Variants in RXRA observed in about 807,000 individuals in gnomAD.
RXRA encodes retinoic acid receptor RXR-alpha.
Under a neutral mutation model 44.5 loss-of-function variants are expected in RXRA, and 5 were observed. That is an observed-to-expected ratio of 0.11 (90% confidence interval 0.06 to 0.24). RXRA has a LOEUF of 0.24. RXRA is among the 10% of genes least tolerant of loss of function. The pLI is 1.00. For synonymous variants in RXRA, 291 were observed against 271.4 expected (o/e 1.07, Z -0.71); for missense variants, 412 against 646.5 (o/e 0.64, Z 3.93).
intron 1 of RXRA, among the ~76,000 whole-genome samples, chr9:134,394,899 G>A (rs117593068): frequency 0.022 from 3,352 of 152,290 alleles, 65 homozygotes; most frequent in Admixed American, 0.045. Flanking sequence ...GGCTCCTCCT[G>A]GGTGAGCGGA....
rs116343794 is a variant in RXRA at position 134,423,169 on chromosome 9, G to C, written c.910+1364G>C. 1.5e-3 allele frequency: 1,512 copies of C among 985,456 alleles called. 17 individuals are homozygous for C. In the African/African-American group the frequency reaches 0.025, roughly 16 times the overall value. The allele number at this position is 985,456 out of a possible 1,614,324, so 61.0% of individuals were successfully genotyped here. A position where few individuals can be genotyped will look rare whatever the true frequency, so the allele number is the denominator to read the frequency against. ...ACTGGGGCTGGTTCTTGCCGAGTCA[G>C]CCGGGGTAGCTGTGAGGCCAGGCTG... On this transcript the variant is annotated intron_variant, in intron 6 of 9. Transcript: ENST00000481739.
intron 2 of RXRA, chr9:134,402,880 CAG>C (rs1379332796): frequency 3.8e-4 from 40 of 103,950 alleles, no homozygotes; most frequent in African/African-American, 1.0e-3. Context: ...GGCTCCATGG[CAG>C]AGTTTTGGTG....
intron 1 of RXRA, among the ~76,000 whole-genome samples, chr9:134,346,618 T>C (rs937240865): frequency 6.6e-6 from 1 of 152,226 alleles, no homozygotes; most frequent in Non-Finnish European, 1.5e-5. Flanking sequence ...GTCCTGGCAC[T>C]GCCCAGCTTC....
chr9:134,429,985 A>C (rs1025459785), intron 7 of RXRA, among the ~76,000 whole-genome samples: 2 of 151,616 alleles, frequency 1.3e-5, no homozygotes, highest in African/African-American at 4.9e-5. Context: ...TCCCGGGTTC[A>C]CACCATTCTC....
At position 134,421,627 on chromosome 9, in the gene RXRA, TAC is replaced by T. The variant is rs777140941; in HGVS notation, c.781-46_781-45del. The T allele has an allele frequency of 3.1e-5, 48 of 1,539,724 alleles. 1 individual carries two copies. In the East Asian group the frequency reaches 9.8e-4, roughly 31 times the overall value. On this transcript the variant is annotated intron_variant, in intron 5 of 9. Transcript: ENST00000481739. Reference sequence around the variant, plus strand: ...CCTGGTCTGGGCTGTGTTTGGTCAGTACACTGGCTTCTGGGACTGAATGTCCT... The same window carrying T: ...CCTGGTCTGGGCTGTGTTTGGTCAGTACTGGCTTCTGGGACTGAATGTCCT...
At chr9:134,430,513 A>G (rs1451588472) in intron 7 of RXRA, among the ~76,000 whole-genome samples, 1 of 152,224 alleles carries the variant, frequency 6.6e-6, no homozygotes. Flanking sequence ...CTTGACCTCC[A>G]TGGGATGTGC....
chr9:134,387,676 A>G (rs967953553), intron 1 of RXRA, among the ~76,000 whole-genome samples: 9 of 152,224 alleles, frequency 5.9e-5, no homozygotes, highest in Admixed American at 6.5e-5. Flanking sequence ...AGAGCCGTCC[A>G]TGAGCGTTCC....
At chr9:134,385,953 C>T (rs1433046462) in intron 1 of RXRA, among the ~76,000 whole-genome samples, 1 of 152,236 alleles carries the variant, frequency 6.6e-6, no homozygotes, top group Non-Finnish European at 1.5e-5. Flanking sequence ...GCACCAGCTG[C>T]GGGTGTGACG....
chr9:134,353,342 G>T (rs1554749699), intron 1 of RXRA, among the ~76,000 whole-genome samples: 1 of 152,162 alleles, frequency 6.6e-6, no homozygotes, highest in East Asian at 1.9e-4. Context: ...GAGGCCTTGG[G>T]CCAGCATACT....
chr9:134,422,987 C>T (rs945022692), intron 6 of RXRA: 7 of 985,368 alleles, frequency 7.1e-6, no homozygotes, highest in East Asian at 1.1e-4. Context: ...CTGCTCCACG[C>T]GCATCACACT....
In RXRA at chr9:134,426,683, C is replaced by G. The variant is rs1317676584; in HGVS notation, c.911-2425C>G. On this transcript the variant is annotated intron_variant, in intron 6 of 9. Coordinates refer to ENST00000481739, the MANE Select transcript of RXRA (RefSeq NM_002957.6). The surrounding 1 kb of genome is among the most constrained non-coding windows in gnomAD (Gnocchi z 4.6). ...TCTACCCTGGTGCCTGCTGGGTGGC[C>G]TCAGGGGCTCTCGGGGCAGTGGGAG... The G allele has an allele frequency of 2.0e-6, 2 of 985,288 alleles. No individual in the cohort carries two copies. The highest frequency in any genetic ancestry group is 6.1e-5 in the Admixed American group (1 of 16,264). The allele number at this position is 985,288 out of a possible 1,614,324, so 61.0% of individuals were successfully genotyped here. A position where few individuals can be genotyped will look rare whatever the true frequency, so the allele number is the denominator to read the frequency against.
At chr9:134,431,825 A>T in intron 7 of RXRA, 80 bp from the exon 8 acceptor site, 1 of 1,128,926 alleles carries the variant, frequency 8.9e-7, no homozygotes, top group South Asian at 1.3e-5. Flanking sequence ...GGCTCTCCAG[A>T]GGCCTTGGGT....
chr9:134,411,005 TGCCTCGGGCACCC>T (rs1028162485), intron 4 of RXRA, among the ~76,000 whole-genome samples: 1 of 152,204 alleles, frequency 6.6e-6, no homozygotes, highest in Admixed American at 6.5e-5. Context: ...CACCTGACCC[TGCCTCGGGCACCC>T]GGTGAGACGC....
chr9:134,418,316 G>A (rs1178352534), intron 5 of RXRA, among the ~76,000 whole-genome samples: 1 of 152,142 alleles, frequency 6.6e-6, no homozygotes, highest in Non-Finnish European at 1.5e-5. Flanking sequence ...TGGGGACCTG[G>A]GTCCAGCTGG....
chr9:134,379,117 G>A (rs1402416485), intron 1 of RXRA, among the ~76,000 whole-genome samples: 1 of 152,188 alleles, frequency 6.6e-6, no homozygotes, highest in Non-Finnish European at 1.5e-5. Context: ...GGGCCACCCG[G>A]CTCCTCCAGC....
chr9:134,394,438 G>A (rs1399439866), intron 1 of RXRA, among the ~76,000 whole-genome samples: 2 of 152,146 alleles, frequency 1.3e-5, no homozygotes, highest in African/African-American at 4.8e-5. Context: ...GGGAGTTTGA[G>A]GTCAGTCAAG....
At chr9:134,412,551 GTT>G in intron 4 of RXRA, among the ~76,000 whole-genome samples, 1 of 152,322 alleles carries the variant, frequency 6.6e-6, no homozygotes, top group Non-Finnish European at 1.5e-5. Flanking sequence ...AGCATCTCAG[GTT>G]GGGCAATGGG....
chr9:134,329,835 C>T (rs1834975664), intron 1 of RXRA, among the ~76,000 whole-genome samples: 1 of 152,212 alleles, frequency 6.6e-6, no homozygotes, highest in Non-Finnish European at 1.5e-5. Flanking sequence ...TTGTTTCCTC[C>T]CCTGGGAAAG....
chr9:134,385,876 C>A (rs573271309), intron 1 of RXRA, among the ~76,000 whole-genome samples: 4 of 152,374 alleles, frequency 2.6e-5, no homozygotes, highest in African/African-American at 7.2e-5. Context: ...GAACTTGGGG[C>A]TGCCCAACGT....
Sources: gnomAD v4.1 joint callset for allele counts (sites outside exome capture counted in the v4.1 genomes callset) on GRCh38, gnomAD v4.1.1 for gene constraint, Gnocchi (gnomAD v3.1) non-coding constraint, MANE v1.5 for transcripts, NCBI Gene and HGNC (gene_info 2026-07-23, HGNC 2026-07-21) for gene names.